The following AFF3 variants were observed in gnomAD, a reference collection of about 807,000 sequenced individuals.
AFF3 encodes ALF transcription elongation factor 3, also known as AF4/FMR2 family member 3.
In AFF3, 32 loss-of-function variants were observed where a neutral mutation model predicts 129.7. The observed-to-expected ratio is 0.25, with a 90% CI of 0.19 to 0.33. The LOEUF (loss-of-function observed/expected upper bound fraction) is 0.33. AFF3 is among the 10% of genes least tolerant of loss of function. AFF3 has a pLI of 1.00. For missense variants in AFF3, 1,373 were observed against 1,592.0 expected, an observed-to-expected ratio of 0.86 and a Z score of 2.34; for synonymous variants, 644 against 635.4, an observed-to-expected ratio of 1.01 and a Z score of -0.20.
At chr2:100,022,070 T>C (rs747572535) in intron 4 of AFF3, among the ~76,000 whole-genome samples, 4 of 152,174 alleles carry the variant, frequency 2.6e-5, no homozygotes, top group African/African-American at 7.2e-5. Context: ...GAATTATGAA[T>C]TATTTGAATT....
intron 10 of AFF3, among the ~76,000 whole-genome samples, chr2:99,734,655 T>C (rs1210356097): frequency 6.6e-6 from 1 of 152,004 alleles, no homozygotes; most frequent in Non-Finnish European, 1.5e-5. Flanking sequence ...TATTTTAATA[T>C]AATTAATCAT....
intron 8 of AFF3, among the ~76,000 whole-genome samples, chr2:99,806,702 C>A (rs1686379830): frequency 6.6e-6 from 1 of 152,160 alleles, no homozygotes; most frequent in Non-Finnish European, 1.5e-5. Flanking sequence ...TCCACGCCCC[C>A]ACCCTCATTC....
intron 7 of AFF3, among the ~76,000 whole-genome samples, chr2:99,886,196 C>T (rs1693100159): frequency 6.6e-6 from 1 of 152,194 alleles, no homozygotes; most frequent in Admixed American, 6.5e-5. Context: ...TTGCACCTTT[C>T]CTACCTCAGA....
intron 13 of AFF3, among the ~76,000 whole-genome samples, chr2:99,608,627 C>T (rs1348626396): frequency 2.0e-5 from 3 of 152,114 alleles, no homozygotes; most frequent in African/African-American, 7.2e-5. Context: ...CCCTCAGCTC[C>T]CCAGCCGAGG....
intron 7 of AFF3, among the ~76,000 whole-genome samples, chr2:99,920,885 T>A (rs1290389412): frequency 1.3e-5 from 2 of 152,100 alleles, no homozygotes; most frequent in East Asian, 3.8e-4. Context: ...AAATGCTTTT[T>A]ACAAGAGTAT....
intron 16 of AFF3, among the ~76,000 whole-genome samples, chr2:99,585,124 C>A (rs1042501735): frequency 6.6e-6 from 1 of 152,118 alleles, no homozygotes; most frequent in Non-Finnish European, 1.5e-5. Flanking sequence ...GAAGATAATG[C>A]GAACAGCCTG....
chr2:99,742,733 T>C (rs1680821411), intron 10 of AFF3, among the ~76,000 whole-genome samples: 1 of 152,206 alleles, frequency 6.6e-6, no homozygotes, highest in South Asian at 2.1e-4. Context: ...GTTATTAGCC[T>C]CAGAAACTCA....
intron 7 of AFF3, among the ~76,000 whole-genome samples, chr2:99,956,875 G>C: frequency 6.6e-6 from 1 of 152,202 alleles, no homozygotes; most frequent in East Asian, 1.9e-4. Flanking sequence ...CGTGACTGAA[G>C]AGGCAACGTG....
chr2:99,720,074 G>A (rs1426004432), intron 11 of AFF3, among the ~76,000 whole-genome samples: 1 of 152,056 alleles, frequency 6.6e-6, no homozygotes, highest in Non-Finnish European at 1.5e-5. Context: ...AATAAATAAA[G>A]TACGTATCAT....
chr2:99,826,911 T>G (rs1383816573), intron 8 of AFF3, among the ~76,000 whole-genome samples: 2 of 151,456 alleles, frequency 1.3e-5, no homozygotes, highest in Non-Finnish European at 2.9e-5. Flanking sequence ...AAAAGGATGG[T>G]GGATGAACAA....
At position 99,850,104 on chromosome 2, in the gene AFF3, G is replaced by A. The variant is rs150811784; in HGVS notation, c.874-12580C>T. 1.5e-3 allele frequency among the ~76,000 whole-genome samples: 229 copies of A among 152,272 alleles called. 1 individual carries two copies. Among genetic ancestry groups the A allele is most frequent in the African/African-American group, 5.3e-3 (222 of 41,552 alleles). On this transcript the variant is annotated intron_variant, in intron 7 of 24. Coordinates refer to ENST00000672756, the MANE Select transcript of AFF3 (RefSeq NM_001386135.1). The stretch of plus-strand genomic sequence containing the variant: ...ACCAGGGTAAGGGTATGGGACTGTG[G>A]GATGGGGCTTTATGCTTGTAATCTG...
intron 8 of AFF3, among the ~76,000 whole-genome samples, chr2:99,832,808 A>G (rs1471182842): frequency 1.3e-5 from 2 of 152,206 alleles, no homozygotes; most frequent in South Asian, 2.1e-4. Context: ...ATTTTGCTAC[A>G]GCAAGTAATG....
At chr2:100,118,939 T>C (rs1342197559) in intron 2 of AFF3, among the ~76,000 whole-genome samples, 1 of 152,106 alleles carries the variant, frequency 6.6e-6, no homozygotes, top group Non-Finnish European at 1.5e-5. Context: ...TAGCTGGGAT[T>C]ACAGGCGTGC....
At chr2:99,876,024 C>T (rs542459141) in intron 7 of AFF3, among the ~76,000 whole-genome samples, 1 of 152,274 alleles carries the variant, frequency 6.6e-6, no homozygotes, top group South Asian at 2.1e-4. Context: ...TTCTATGGCA[C>T]TGGCGACTTC....
intron 8 of AFF3, among the ~76,000 whole-genome samples, chr2:99,810,058 A>G (rs1384909042): frequency 1.3e-5 from 2 of 152,208 alleles, no homozygotes; most frequent in Non-Finnish European, 2.9e-5. Context: ...GTGCTCAATA[A>G]ATAGGTACAA....
At chr2:99,600,159 A>T (rs918724672) in intron 14 of AFF3, among the ~76,000 whole-genome samples, 3 of 152,214 alleles carry the variant, frequency 2.0e-5, no homozygotes, top group African/African-American at 7.2e-5. Context: ...AAATAGATGG[A>T]TAGATACAGA....
chr2:99,938,710 T>C (rs1674749880), intron 7 of AFF3, among the ~76,000 whole-genome samples: 1 of 152,184 alleles, frequency 6.6e-6, no homozygotes, highest in Non-Finnish European at 1.5e-5. Flanking sequence ...AGCCTTTGGA[T>C]AAGACTGCAA....
At position 99,638,618 on chromosome 2, in the gene AFF3, G is replaced by A. The variant is rs544150974; in HGVS notation, c.1184+11008C>T. Among the ~76,000 whole-genome samples the A allele has an allele frequency of 4.6e-5, 7 of 152,298 alleles. No individual in the cohort carries two copies. The East Asian group carries it at 1.4e-3, about 29-fold the overall frequency. On this transcript the variant is annotated intron_variant, in intron 13 of 24. Transcript: ENST00000672756. ...GAAGTCTTCTCCACTAGCAGAGAAG[G>A]AAAGGACGCATGTCCAGGCTAAAAC...
At chr2:100,019,280 G>A (rs1683391283) in intron 4 of AFF3, among the ~76,000 whole-genome samples, 1 of 152,150 alleles carries the variant, frequency 6.6e-6, no homozygotes, top group Non-Finnish European at 1.5e-5. Context: ...GTTGAAATGG[G>A]GTTTCTGAAA....
Sources: gnomAD v4.1 joint callset for allele counts (sites outside exome capture counted in the v4.1 genomes callset) on GRCh38, gnomAD v4.1.1 for gene constraint, MANE v1.5 for transcripts, NCBI Gene and HGNC (gene_info 2026-07-23, HGNC 2026-07-21) for gene names.